Variants in PCDHA8 observed in about 807,000 individuals in gnomAD.
The protein encoded by PCDHA8 is protocadherin alpha-8.
In PCDHA8, 53 loss-of-function variants were observed where a neutral mutation model predicts 61.8. That is an observed-to-expected ratio of 0.86 (90% CI 0.69 to 1.08). The LOEUF (loss-of-function observed/expected upper bound fraction) is 1.08. Ranked by LOEUF, PCDHA8 falls within the 50% of genes least tolerant of loss-of-function variation. The pLI, the probability that PCDHA8 is intolerant of heterozygous loss-of-function variation, is 0.00. For synonymous variants in PCDHA8, 618 were observed against 556.6 expected, an observed-to-expected ratio of 1.11 and a Z score of -1.55; for missense variants, 1,293 against 1,245.0, an observed-to-expected ratio of 1.04 and a Z score of -0.58.
At position 140,857,973 on chromosome 5, in the gene PCDHA8, C is replaced by G. The variant is rs114376757; in HGVS notation, c.2394+14258C>G. On this transcript the variant is annotated intron_variant, in intron 1 of 3. Transcript: ENST00000531613. ...CGCGCTCTGGATGAGACTGACTCGC[C>G]ACGCCAGCGCCTACTGGTGCTGGTG... is the stretch of plus-strand genomic sequence containing the variant. The G allele has an allele frequency of 3.1e-3, 4,989 of 1,596,810 alleles. 388 individuals carry two copies. In the African/African-American group the frequency reaches 0.058, roughly 19 times the overall value.
At chr5:140,854,853 C>G (rs1441066752) in intron 1 of PCDHA8, among the ~76,000 whole-genome samples, 1 of 149,620 alleles carries the variant, frequency 6.7e-6, no homozygotes, top group Non-Finnish European at 1.5e-5. Flanking sequence ...GATAAAATTA[C>G]TAGATATATT....
intron 1 of PCDHA8, among the ~76,000 whole-genome samples, chr5:140,915,967 A>G (rs1188377648): frequency 1.3e-5 from 2 of 152,078 alleles, no homozygotes; most frequent in Non-Finnish European, 2.9e-5. Flanking sequence ...TTTGCCTGAT[A>G]TTTTATTTGA....
intron 2 of PCDHA8, among the ~76,000 whole-genome samples, chr5:140,979,316 G>A (rs782153299): frequency 2.0e-5 from 3 of 151,950 alleles, no homozygotes; most frequent in Non-Finnish European, 4.4e-5. Context: ...CTCTACCTAT[G>A]CTTTCTTTTC....
At chr5:140,880,554 A>T (rs546471112) in intron 1 of PCDHA8, among the ~76,000 whole-genome samples, 1 of 152,360 alleles carries the variant, frequency 6.6e-6, no homozygotes, top group South Asian at 2.1e-4. Flanking sequence ...ACTGATGGAA[A>T]TGAGGTTGAG....
chr5:140,983,548 T>C (rs1479703561), intron 3 of PCDHA8, among the ~76,000 whole-genome samples: 1 of 152,212 alleles, frequency 6.6e-6, no homozygotes, highest in African/African-American at 2.4e-5. Context: ...GTCTCATTTA[T>C]TCCTTAAGTC....
At position 140,843,609 on chromosome 5, in the gene PCDHA8, G is replaced by C. The variant is rs145975691; in HGVS notation, c.2288G>C (p.Gly763Ala). 647 of 1,595,902 alleles carry C rather than the reference G, an allele frequency of 4.1e-4. 69 individuals are homozygous for C. The highest frequency in any genetic ancestry group is 5.3e-4 in the Non-Finnish European group (622 of 1,165,530). Residue 763 changes from glycine to alanine, a missense_variant, in exon 1 of 4, where the codon GGG (glycine) becomes GCG (alanine). Coordinates refer to ENST00000531613, the MANE Select transcript of PCDHA8 (RefSeq NM_018911.3). ...CCGCAGAGGGTGTGCTCTGGTGAGG[G>C]GCCACCGAAGACGGACCTCATGGCC... ...QQPQRVCSGEGPPKTDLMAFS... is the reference protein window; with the variant it reads ...QQPQRVCSGEAPPKTDLMAFS...
At chr5:140,975,899 G>A (rs2096688066) in intron 1 of PCDHA8, among the ~76,000 whole-genome samples, 1 of 152,084 alleles carries the variant, frequency 6.6e-6, no homozygotes, top group African/African-American at 2.4e-5. Context: ...ATGGAGTTTT[G>A]TGACCATTAT....
chr5:140,873,262 G>T (rs1196053156), intron 1 of PCDHA8, among the ~76,000 whole-genome samples: 1 of 152,136 alleles, frequency 6.6e-6, no homozygotes, highest in Non-Finnish European at 1.5e-5. Context: ...ACTCAAAAGT[G>T]ATTAAACCAT....
Position 140,914,039 on chromosome 5 carries a change from G to A in PCDHA8, c.2395-64910G>A, listed in dbSNP as rs147787020. Among the ~76,000 whole-genome samples the A allele has an allele frequency of 2.0e-5, 3 of 152,238 alleles. No individual in the cohort carries two copies. In the East Asian group the frequency reaches 5.8e-4, roughly 29 times the overall value. ...ATGATCCACGTGCTGAGAAGAATGT[G>A]TATTCTGCAGCTGTTGGATGAAATG... is the stretch of plus-strand genomic sequence containing the variant. On this transcript the variant is annotated intron_variant, in intron 1 of 3. Coordinates refer to ENST00000531613, the MANE Select transcript of PCDHA8 (RefSeq NM_018911.3).
chr5:140,947,543 G>A (rs1013985097), intron 1 of PCDHA8, among the ~76,000 whole-genome samples: 1 of 151,548 alleles, frequency 6.6e-6, no homozygotes, highest in African/African-American at 2.4e-5. Context: ...TTTCTACAAA[G>A]AATTCCGCTG....
intron 1 of PCDHA8, among the ~76,000 whole-genome samples, chr5:140,846,539 TA>T: frequency 6.7e-6 from 1 of 148,618 alleles, no homozygotes; most frequent in Middle Eastern, 3.5e-3. Context: ...CATGCCCTGC[TA>T]ATTTTTTGTA....
chr5:140,866,287 C>T (rs1396371419), intron 1 of PCDHA8: 1 of 152,074 alleles, frequency 6.6e-6, no homozygotes, highest in Non-Finnish European at 1.5e-5. Flanking sequence ...GTGTTTGGGA[C>T]AAGTATAGAT....
rs2150519656 is a variant in PCDHA8, at chr5:140,852,588, T to TA, written c.2394+8873_2394+8874insA. On this transcript the variant is annotated intron_variant, in intron 1 of 3. Transcript: ENST00000531613. ...ACTGTGCCAAGGCTTTTTTATTTTT[T>TA]TTTTTTGTCATTTTCTTTCAAAACT... is the stretch of plus-strand genomic sequence containing the variant. The TA allele has an allele frequency of 3.3e-3, 2,940 of 881,502 alleles. 187 individuals are homozygous for TA. In the African/African-American group the frequency reaches 0.044, roughly 13 times the overall value. The allele number at this position is 881,502 out of a possible 1,614,324, so 54.6% of individuals were successfully genotyped here.
intron 1 of PCDHA8, among the ~76,000 whole-genome samples, chr5:140,969,673 G>A (rs1226601717): frequency 3.3e-5 from 5 of 152,170 alleles, no homozygotes; most frequent in African/African-American, 9.7e-5. Flanking sequence ...AATGTTATGA[G>A]ACTCAAGGAG....
At chr5:140,914,439 T>A (rs1352001626) in intron 1 of PCDHA8, among the ~76,000 whole-genome samples, 2 of 152,310 alleles carry the variant, frequency 1.3e-5, no homozygotes, top group South Asian at 2.1e-4. Context: ...TCTTTTCCCA[T>A]GTCTTTATTT....
intron 3 of PCDHA8, among the ~76,000 whole-genome samples, chr5:140,996,315 G>A (rs2097722113): frequency 6.6e-6 from 1 of 152,188 alleles, no homozygotes; most frequent in African/African-American, 2.4e-5. Flanking sequence ...AGTAAGGGGG[G>A]AGGGTAGAGA....
chr5:140,955,175 A>G (rs1212192227), intron 1 of PCDHA8, among the ~76,000 whole-genome samples: 1 of 152,058 alleles, frequency 6.6e-6, no homozygotes, highest in Non-Finnish European at 1.5e-5. Flanking sequence ...TGGTTACTGT[A>G]GTTTTGTGGT....
At chr5:140,848,580 G>C (rs2150413370) in intron 1 of PCDHA8, 5 of 1,595,144 alleles carry the variant, frequency 3.1e-6, no homozygotes, top group African/African-American at 1.3e-5. Context: ...GGTGGGGAGC[G>C]GCCAGCTCCA....
chr5:140,945,387 T>C (rs1249675973), intron 1 of PCDHA8, among the ~76,000 whole-genome samples: 1 of 152,102 alleles, frequency 6.6e-6, no homozygotes, highest in Non-Finnish European at 1.5e-5. Flanking sequence ...CAAAGCAATA[T>C]ACAAATTCAA....
Sources: gnomAD v4.1 joint callset for allele counts (sites outside exome capture counted in the v4.1 genomes callset) on GRCh38, gnomAD v4.1.1 for gene constraint, MANE v1.5 for transcripts, NCBI Gene and HGNC (gene_info 2026-07-23, HGNC 2026-07-21) for gene names.